The following STK38 variants were observed in gnomAD, a reference collection of about 807,000 sequenced individuals.
The protein encoded by STK38 is serine/threonine kinase 38.
In STK38, 26 loss-of-function variants were observed where a neutral mutation model predicts 59.0. The observed-to-expected ratio is 0.44, with a 90% CI of 0.32 to 0.61. The LOEUF is 0.61. Ranked by LOEUF, STK38 falls within the 20% of genes least tolerant of loss-of-function variation. The pLI is 0.04. For missense variants in STK38, 433 were observed against 566.0 expected, an observed-to-expected ratio of 0.76 and a Z score of 2.38; for synonymous variants, 175 against 176.6, an observed-to-expected ratio of 0.99 and a Z score of 0.07.
At chr6:36,541,092 A>T (rs1191994018) in intron 1 of STK38, among the ~76,000 whole-genome samples, 1 of 151,544 alleles carries the variant, frequency 6.6e-6, no homozygotes, top group African/African-American at 2.4e-5. Context: ...TAGAGACGGG[A>T]TTTCACCATG....
rs1776673731 is a variant in STK38, at chr6:36,495,234, GGCTGA to G, written c.*545_*549del. On this transcript the variant is annotated 3_prime_UTR_variant, in exon 14 of 14. Coordinates refer to ENST00000229812, the MANE Select transcript of STK38 (RefSeq NM_007271.4). ...TGGAGGCTATAAGCCACTCGCCTGA[GGCTGA>G]GGTATGGGTAGAAACTACCATCACC... 1 of 153,986 alleles carries G rather than the reference GGCTGA, an allele frequency of 6.5e-6. No individual in the cohort carries two copies. The highest frequency in any genetic ancestry group is 2.4e-5 in the African/African-American group (1 of 41,442). The allele number at this position is 153,986 out of a possible 1,614,324, so 9.5% of individuals were successfully genotyped here.
chr6:36,497,674 A>C, intron 12 of STK38, 106 bp downstream of exon 12: 1 of 856,626 alleles, frequency 1.2e-6, no homozygotes. Flanking sequence ...AATCTCTAAG[A>C]AGCTCTCTTC....
intron 5 of STK38, among the ~76,000 whole-genome samples, chr6:36,518,471 G>T (rs866336575): frequency 1.3e-5 from 2 of 152,146 alleles, no homozygotes; most frequent in Non-Finnish European, 2.9e-5. Context: ...TTTTGTTAAA[G>T]CAATGCTTTA....
chr6:36,534,154 C>A (rs1319835179), intron 2 of STK38, among the ~76,000 whole-genome samples: 1 of 151,700 alleles, frequency 6.6e-6, no homozygotes, highest in African/African-American at 2.4e-5. Context: ...GTCTAACATT[C>A]AAAAATCAGT....
At chr6:36,508,280 G>A (rs1777017240) in intron 7 of STK38, among the ~76,000 whole-genome samples, 1 of 151,998 alleles carries the variant, frequency 6.6e-6, no homozygotes, top group South Asian at 2.1e-4. Flanking sequence ...GTTTACTTGG[G>A]ACTTCATTGT....
chr6:36,527,390 T>C (rs1217261175), intron 2 of STK38, among the ~76,000 whole-genome samples: 1 of 149,950 alleles, frequency 6.7e-6, no homozygotes, highest in Non-Finnish European at 1.5e-5. Context: ...CACACATATA[T>C]GTATATAAAA....
intron 7 of STK38, among the ~76,000 whole-genome samples, chr6:36,513,848 T>TA (rs1178706954): frequency 0.065 from 4,166 of 63,870 alleles, 88 homozygotes; most frequent in Non-Finnish European, 0.075. Flanking sequence ...TACTAAAAAT[T>TA]AAAAAAAAAA....
At chr6:36,505,406 G>A (rs1776940933) in intron 9 of STK38, among the ~76,000 whole-genome samples, 1 of 152,180 alleles carries the variant, frequency 6.6e-6, no homozygotes, top group Non-Finnish European at 1.5e-5. Context: ...GATTTCCCAA[G>A]TAAATATTGT....
chr6:36,515,026 G>GTA (rs1777216105), intron 7 of STK38, among the ~76,000 whole-genome samples: 2 of 152,034 alleles, frequency 1.3e-5, no homozygotes, highest in Admixed American at 1.3e-4. Flanking sequence ...TGATGTATTA[G>GTA]TAACACAGTT....
chr6:36,527,207 A>AAAAAAAAAAAAAAATATATAT (rs60162863), intron 2 of STK38, among the ~76,000 whole-genome samples: 2 of 119,350 alleles, frequency 1.7e-5, no homozygotes, highest in Admixed American at 1.0e-4. Flanking sequence ...AAAAAAAAAA[A>AAAAAAAAAAAAAAATATATAT]ATATATGTAT....
intron 2 of STK38, among the ~76,000 whole-genome samples, chr6:36,528,255 G>A (rs944196021): frequency 7.2e-5 from 11 of 152,172 alleles, no homozygotes; most frequent in African/African-American, 2.2e-4. Flanking sequence ...GTGTGCAAAG[G>A]AGTGATGTGA....
intron 7 of STK38, 57 bp from the exon 8 acceptor site, chr6:36,507,659 C>T: frequency 7.6e-7 from 1 of 1,311,314 alleles, no homozygotes; most frequent in Non-Finnish European, 1.1e-6. Context: ...TAGAACAGAA[C>T]ATTACGTTCT....
intron 9 of STK38, 140 bp downstream of exon 9, chr6:36,506,443 T>C (rs1342467682): frequency 4.8e-6 from 4 of 838,980 alleles, no homozygotes; most frequent in African/African-American, 1.7e-5. Flanking sequence ...CCTACCAACC[T>C]AACAACAGCA....
Position 36,547,479 on chromosome 6 carries a change from T to C in STK38, c.-295A>G, listed in dbSNP as rs1778081294. On this transcript the variant is annotated 5_prime_UTR_variant, in exon 1 of 14. It removes an upstream start codon present in the reference 5' UTR. Coordinates refer to ENST00000229812, the MANE Select transcript of STK38 (RefSeq NM_007271.4). Reference sequence around the variant, plus strand: ...GGCAGCCCGGGGCCGAGACTACGCATGCGCGACTTCCCGGAGCGGCCGGGA... The same window carrying C: ...GGCAGCCCGGGGCCGAGACTACGCACGCGCGACTTCCCGGAGCGGCCGGGA... The C allele has an allele frequency of 6.6e-6, 1 of 152,186 alleles. No homozygotes were observed. Among genetic ancestry groups the C allele is most frequent in the Non-Finnish European group, 1.5e-5 (1 of 68,056 alleles). The allele number at this position is 152,186 out of a possible 1,614,324, so 9.4% of individuals were successfully genotyped here. A position where few individuals can be genotyped will look rare whatever the true frequency, so the allele number is the denominator to read the frequency against.
intron 3 of STK38, among the ~76,000 whole-genome samples, chr6:36,524,968 A>G (rs1210665081): frequency 6.6e-6 from 1 of 152,058 alleles, no homozygotes; most frequent in African/African-American, 2.4e-5. Context: ...CTTGTTAACT[A>G]TATTTTCTCC....
At chr6:36,540,959 C>T (rs1777922513) in intron 1 of STK38, among the ~76,000 whole-genome samples, 1 of 151,940 alleles carries the variant, frequency 6.6e-6, no homozygotes, top group Admixed American at 6.6e-5. Flanking sequence ...AGTGCAGTGG[C>T]GCGATCTCCG....
chr6:36,535,008 C>A (rs1240087001), intron 2 of STK38, among the ~76,000 whole-genome samples: 1 of 152,014 alleles, frequency 6.6e-6, no homozygotes, highest in Non-Finnish European at 1.5e-5. Flanking sequence ...AGTTATATGT[C>A]TATATATTAG....
chr6:36,511,471 T>G (rs909369632), intron 7 of STK38, among the ~76,000 whole-genome samples: 1 of 151,934 alleles, frequency 6.6e-6, no homozygotes, highest in African/African-American at 2.4e-5. Context: ...ATTCTCTGCC[T>G]CAGCCACCTG....
rs762900991 is a variant in STK38, at chr6:36,495,801, T to G, written c.1381A>C (p.Met461Leu). The change falls in exon 14 of 14, where the codon ATG (methionine) becomes CTG (leucine). Residue 461 changes from methionine (M) to leucine (L), a missense_variant. Met to Leu is a conservative substitution (Grantham distance 15, BLOSUM62 2). This residue lies in a region of STK38 where 136 missense variants were observed against 156.7 expected (regional missense o/e 0.87). Transcript: ENST00000229812. ...LTARGAIPSY[M>L]KAAK ...CAAGAGTACTATTTTGCTGCTTTCA[T>G]GTAGGAAGGTATTGCCCCCCTTGCA... The G allele has an allele frequency of 1.9e-6, 3 of 1,613,864 alleles. No individual in the cohort carries two copies. In the East Asian group the frequency reaches 6.7e-5, roughly 36 times the overall value.
Sources: gnomAD v4.1 joint callset for allele counts (sites outside exome capture counted in the v4.1 genomes callset) on GRCh38, gnomAD v4.1.1 for gene constraint, gnomAD v4.1.1 regional missense constraint, MANE v1.5 for transcripts, NCBI Gene and HGNC (gene_info 2026-07-23, HGNC 2026-07-21) for gene names.